ZNF219: variants seen among roughly 807,000 people sequenced by gnomAD.
ZNF219 encodes the protein zinc finger protein 219.
A neutral mutation model predicts 54.4 loss-of-function variants in ZNF219; 17 were observed. The ratio of observed to expected loss-of-function variants is 0.31; its 90% CI spans 0.21 to 0.47. ZNF219 has a LOEUF of 0.47. Among genes scored for constraint, ZNF219 ranks in the 20% least tolerant of loss-of-function variants. The pLI is 1.00. For missense variants in ZNF219, 1,014 were observed against 1,062.3 expected, an observed-to-expected ratio of 0.95 and a Z score of 0.63; for synonymous variants, 518 against 476.4, an observed-to-expected ratio of 1.09 and a Z score of -1.14.
upstream of ZNF219, chr14:21,098,661 G>A (rs1408000963): frequency 5.8e-6 from 6 of 1,028,368 alleles, no homozygotes; most frequent in South Asian, 2.7e-5. Context: ...GAGACGGGGG[G>A]CGCTGTCGGA....
rs370249207 is a variant in ZNF219, at chr14:21,091,972, C to T, written c.1325G>A (p.Arg442Gln). The T allele has an allele frequency of 8.3e-6, 13 of 1,575,734 alleles. No individual in the cohort carries two copies. The highest frequency in any genetic ancestry group is 6.9e-6 in the Non-Finnish European group (8 of 1,161,270). The change falls in exon 3 of 5, where the codon CGG (arginine) becomes CAG (glutamine). Residue 442 changes from arginine to glutamine, a missense_variant. Physicochemically the swap from Arg to Gln is conservative, Grantham distance 43. Around this residue, in one of 5 missense-constraint regions of ZNF219, gnomAD observed 272 missense variants for 248.9 expected, o/e 1.09. Transcript: ENST00000360947. ...VVEAEEETWA[R>Q]GRSLGSLASL... ...AGCCAGAGAGCCCAGCGACCTGCCC[C>T]GGGCCCAGGTTTCCTCCTCGGCCTC...
upstream of ZNF219, chr14:21,102,880 G>A (rs1032733306): frequency 7.6e-6 from 11 of 1,456,480 alleles, no homozygotes; most frequent in African/African-American, 1.4e-5. Context: ...TGGGGCAGGA[G>A]AGAAAAGAAG....
In ZNF219 at chr14:21,093,209, A is replaced by T. The variant is rs200442847; in HGVS notation, c.88T>A (p.Ser30Thr). 8 of 1,606,386 alleles carry T rather than the reference A, an allele frequency of 5.0e-6. No individual in the cohort carries two copies. Among genetic ancestry groups the T allele is most frequent in the Non-Finnish European group, 5.9e-6 (7 of 1,179,408 alleles). ...CCTGCGCTCACGGCTGGCCCGTTGG[A>T]GTATCGCTGCAGATCCAGCTCGCCG... The part of the protein sequence containing the change: ...FDGELDLQRY[S>T]NGPAVSAGSL... The change falls in exon 3 of 5, where the codon TCC becomes ACC. Residue 30 changes from serine (S) to threonine (T), a missense_variant. Around this residue, in one of 5 missense-constraint regions of ZNF219, gnomAD observed 395 missense variants for 415.1 expected, o/e 0.95. Transcript: ENST00000360947.
Position 21,090,441 on chromosome 14 carries a change from A to G in ZNF219, c.*95T>C. 1 of 1,461,348 alleles carries G rather than the reference A, an allele frequency of 6.8e-7. No individual in the cohort carries two copies. Among genetic ancestry groups the G allele is most frequent in the Non-Finnish European group, 9.2e-7 (1 of 1,089,972 alleles). 90.5% of individuals were successfully genotyped at this position (1,461,348 alleles called of 1,614,324 possible). On this transcript the variant is annotated 3_prime_UTR_variant, in exon 5 of 5. Coordinates refer to ENST00000360947, the MANE Select transcript of ZNF219 (RefSeq NM_016423.3). The surrounding 1 kb of genome is among the most constrained non-coding windows in gnomAD (Gnocchi z 4.4). ...CGCCTGGGGCTGGGATATGGGTCCC[A>G]CGCTGCCCCCTGCTGGCTTCTCTAC...
Position 21,090,449 on chromosome 14 carries a change from C to T in ZNF219, c.*87G>A, listed in dbSNP as rs556919810. ...GCTGGGATATGGGTCCCACGCTGCC[C>T]CCTGCTGGCTTCTCTACCCAACTAC... On this transcript the variant is annotated 3_prime_UTR_variant, in exon 5 of 5. Transcript: ENST00000360947. The surrounding 1 kb of genome is among the most constrained non-coding windows in gnomAD (Gnocchi z 4.4). The T allele has an allele frequency of 3.4e-6, 5 of 1,481,152 alleles. No homozygotes were observed. The East Asian group carries it at 7.0e-5, about 21-fold the overall frequency. The allele number at this position is 1,481,152 out of a possible 1,614,324, so 91.8% of individuals were successfully genotyped here. A position where few individuals can be genotyped will look rare whatever the true frequency, so the allele number is the denominator to read the frequency against.
In ZNF219 at chr14:21,092,919, G is replaced by C; in HGVS notation, c.378C>G (p.Arg126=). The change falls in exon 3 of 5, where the codon CGC becomes CGG. Residue 126 remains arginine (R), a synonymous_variant. Transcript: ENST00000360947. ...CCAGTCGGGCCTCGCGTAGTAGCGC[G>C]CGCTCTTCCAACTCCAGCAACAGGC... is the stretch of plus-strand genomic sequence containing the variant. ...AARLLLELEE[R]ALLREARLGR... The C allele has an allele frequency of 6.4e-7, 1 of 1,561,620 alleles. No individual in the cohort carries two copies. The highest frequency in any genetic ancestry group is 8.7e-7 in the Non-Finnish European group (1 of 1,155,498).
At chr14:21,101,100 G>C, upstream of ZNF219, 1 of 366,370 alleles carries the variant, frequency 2.7e-6, no homozygotes, top group Admixed American at 4.0e-5. Flanking sequence ...GGACAAGTTT[G>C]TCGTCTGCTC....
chr14:21,091,775 GTTCTT>G, intron 3 of ZNF219, 85 bp downstream of exon 3: 2 of 1,469,854 alleles, frequency 1.4e-6, no homozygotes, highest in Non-Finnish European at 1.8e-6. Context: ...TTAAACGTAA[GTTCTT>G]TTAACAAGGA....
Sources: allele counts gnomAD v4.1 joint callset, GRCh38; gene constraint gnomAD v4.1.1; regional missense constraint gnomAD v4.1.1; non-coding constraint Gnocchi (gnomAD v3.1); transcripts MANE v1.5; gene names NCBI Gene and HGNC (gene_info 2026-07-23, HGNC 2026-07-21).